The following PPM1H variants were observed in gnomAD, a reference collection of about 807,000 sequenced individuals.
PPM1H encodes protein phosphatase, Mg2+/Mn2+ dependent 1H.
Under a neutral mutation model 54.9 loss-of-function variants are expected in PPM1H, and 27 were observed. That is an observed-to-expected ratio of 0.49 (90% CI 0.36 to 0.68). PPM1H has a LOEUF of 0.68. Among genes scored for constraint, PPM1H ranks in the 30% least tolerant of loss-of-function variants. PPM1H has a pLI of 0.00. For missense variants in PPM1H, 596 were observed against 667.8 expected (o/e 0.89, Z 1.19); for synonymous variants, 305 against 270.8 (o/e 1.13, Z -1.24).
chr12:62,742,687 A>G (rs896091326), intron 4 of PPM1H, among the ~76,000 whole-genome samples: 1 of 152,198 alleles, frequency 6.6e-6, no homozygotes, highest in African/African-American at 2.4e-5. Context: ...GGTGCAGGAG[A>G]GCTACGTATA....
rs1283076651 is a variant in PPM1H at position 62,694,130 on chromosome 12, T to C, written c.1074-131A>G. On this transcript the variant is annotated intron_variant, in intron 6 of 9. Coordinates refer to ENST00000228705, the MANE Select transcript of PPM1H (RefSeq NM_020700.2). ...TCACCACACTGACTACCTCTTCCTT[T>C]ATAGGGAGTTGTTCTCCCTACAGAA... is the stretch of plus-strand genomic sequence containing the variant. 4 of 742,586 alleles carry C rather than the reference T, an allele frequency of 5.4e-6. No homozygotes were observed. In the African/African-American group the frequency reaches 7.0e-5, roughly 13 times the overall value. 46.0% of individuals were successfully genotyped at this position (742,586 alleles called of 1,614,324 possible).
chr12:62,725,850 C>T (rs757903563), intron 5 of PPM1H, among the ~76,000 whole-genome samples: 15 of 152,086 alleles, frequency 9.9e-5, no homozygotes, highest in Admixed American at 3.9e-4. Context: ...AAAACAAAGA[C>T]GTGTCTTAGT....
intron 6 of PPM1H, among the ~76,000 whole-genome samples, chr12:62,707,594 CA>C (rs1305747120): frequency 6.6e-6 from 1 of 152,192 alleles, no homozygotes; most frequent in East Asian, 1.9e-4. Context: ...ATGCAGAATC[CA>C]TAGAGATTCT....
At chr12:62,802,255 C>T in intron 2 of PPM1H, 95 bp from the exon 3 acceptor site, 1 of 977,250 alleles carries the variant, frequency 1.0e-6, no homozygotes, top group South Asian at 2.2e-5. Context: ...TGAGGGTCCA[C>T]TTGGTTGTCT....
intron 9 of PPM1H, among the ~76,000 whole-genome samples, chr12:62,654,241 A>AT (rs2075831820): frequency 7.0e-6 from 1 of 142,824 alleles, no homozygotes; most frequent in African/African-American, 2.6e-5. Context: ...AAAAAAAAAA[A>AT]GCAACACCTG....
chr12:62,859,524 A>G (rs943649117), intron 1 of PPM1H, among the ~76,000 whole-genome samples: 5 of 152,192 alleles, frequency 3.3e-5, no homozygotes, highest in Non-Finnish European at 5.9e-5. Context: ...ATCCTTTCAC[A>G]TCTGCAGCTA....
intron 7 of PPM1H, among the ~76,000 whole-genome samples, chr12:62,690,604 C>T (rs1471224765): frequency 1.3e-5 from 2 of 152,230 alleles, no homozygotes; most frequent in Non-Finnish European, 2.9e-5. Flanking sequence ...TTTACCCAAA[C>T]ATTTATTGGG....
intron 4 of PPM1H, among the ~76,000 whole-genome samples, chr12:62,784,242 G>A (rs1419963071): frequency 2.0e-5 from 3 of 152,138 alleles, no homozygotes; most frequent in Non-Finnish European, 2.9e-5. Flanking sequence ...TCAGGTACTC[G>A]CGTCACTGTG....
At chr12:62,675,084 T>G (rs1372229302) in intron 8 of PPM1H, among the ~76,000 whole-genome samples, 1 of 152,222 alleles carries the variant, frequency 6.6e-6, no homozygotes, top group African/African-American at 2.4e-5. Flanking sequence ...TGTTGGCTGC[T>G]CATACTATTG....
chr12:62,673,713 C>CTTTTTTTTTTTTTTTT (rs1192243731), intron 8 of PPM1H, among the ~76,000 whole-genome samples: 12 of 47,566 alleles, frequency 2.5e-4, no homozygotes, highest in Non-Finnish European at 4.9e-4. Flanking sequence ...AGAAGAGCCA[C>CTTTTTTTTTTTTTTTT]TCTTTTTTTT....
chr12:62,752,486 C>T (rs2076447876), intron 4 of PPM1H, among the ~76,000 whole-genome samples: 1 of 152,128 alleles, frequency 6.6e-6, no homozygotes, highest in South Asian at 2.1e-4. Context: ...TTCAGATCCC[C>T]CCAACATTCC....
chr12:62,757,548 T>G (rs1478849563), intron 4 of PPM1H, among the ~76,000 whole-genome samples: 1 of 152,178 alleles, frequency 6.6e-6, no homozygotes, highest in African/African-American at 2.4e-5. Context: ...AGAGATAAAT[T>G]CACTAGAAGA....
At chr12:62,929,083 G>C (rs1872055539) in intron 1 of PPM1H, among the ~76,000 whole-genome samples, 1 of 152,184 alleles carries the variant, frequency 6.6e-6, no homozygotes, top group African/African-American at 2.4e-5. Flanking sequence ...TTACCCAGAA[G>C]CATTAAGACA....
intron 1 of PPM1H, among the ~76,000 whole-genome samples, chr12:62,899,764 G>A (rs772244973): frequency 7.2e-5 from 11 of 152,142 alleles, no homozygotes; most frequent in Admixed American, 1.3e-4. Context: ...AACCCCATAC[G>A]TTTGTAAAGC....
At chr12:62,775,108 TGC>T (rs1440487649) in intron 4 of PPM1H, among the ~76,000 whole-genome samples, 2 of 152,346 alleles carry the variant, frequency 1.3e-5, no homozygotes, top group Admixed American at 6.5e-5. Flanking sequence ...CATGAATGTC[TGC>T]GCTGGATTGA....
chr12:62,724,170 T>G (rs1315289741), intron 5 of PPM1H, among the ~76,000 whole-genome samples: 1 of 152,214 alleles, frequency 6.6e-6, no homozygotes, highest in Non-Finnish European at 1.5e-5. Flanking sequence ...TGACTGTCCC[T>G]AAAAATACAG....
At chr12:62,845,586 G>A (rs997752730) in intron 1 of PPM1H, among the ~76,000 whole-genome samples, 7 of 152,082 alleles carry the variant, frequency 4.6e-5, no homozygotes, top group South Asian at 4.1e-4. Context: ...CCTTTAATAC[G>A]GGTGTACAAG....
At chr12:62,707,960 T>C (rs7306967) in intron 6 of PPM1H, among the ~76,000 whole-genome samples, 4,046 of 152,262 alleles carry the variant, frequency 0.027, 126 homozygotes, top group East Asian at 0.14. Context: ...AATCTGAACC[T>C]GGAATATGGC....
At chr12:62,677,841 G>A (rs2075996643) in intron 8 of PPM1H, among the ~76,000 whole-genome samples, 1 of 152,156 alleles carries the variant, frequency 6.6e-6, no homozygotes, top group East Asian at 1.9e-4. Flanking sequence ...AGTGGTCTTT[G>A]GATCACTTAC....
Sources: gnomAD v4.1 joint callset for allele counts (sites outside exome capture counted in the v4.1 genomes callset) on GRCh38, gnomAD v4.1.1 for gene constraint, MANE v1.5 for transcripts, NCBI Gene and HGNC (gene_info 2026-07-23, HGNC 2026-07-21) for gene names.